The following TP53INP1 variants were observed in gnomAD, a reference collection of about 807,000 sequenced individuals.
TP53INP1 encodes the protein tumor protein p53-inducible nuclear protein 1.
In TP53INP1, 12 loss-of-function variants were observed where a neutral mutation model predicts 21.0. The observed-to-expected ratio is 0.57, with a 90% CI of 0.37 to 0.93. TP53INP1 has a LOEUF of 0.93. TP53INP1 is among the 40% of genes least tolerant of loss of function. The pLI, the probability that TP53INP1 is intolerant of heterozygous loss-of-function variation, is 0.01. For missense variants in TP53INP1, 274 were observed against 294.7 expected, an observed-to-expected ratio of 0.93 and a Z score of 0.51; for synonymous variants, 91 against 94.8, an observed-to-expected ratio of 0.96 and a Z score of 0.23.
intron 3 of TP53INP1, among the ~76,000 whole-genome samples, chr8:94,936,308 A>G (rs776343079): frequency 1.4e-4 from 22 of 152,194 alleles, no homozygotes; most frequent in South Asian, 6.2e-4. Flanking sequence ...GGATCATGTT[A>G]TGTAGGGAAT....
intron 3 of TP53INP1, among the ~76,000 whole-genome samples, chr8:94,934,490 A>G (rs928815583): frequency 1.2e-4 from 18 of 151,810 alleles, no homozygotes; most frequent in African/African-American, 4.4e-4. Context: ...GGTTCAAGCA[A>G]TTCTCCTGCC....
At position 94,930,475 on chromosome 8, in the gene TP53INP1, A is replaced by G. The variant is rs907658551; in HGVS notation, c.*4T>C. ...GAGAAACCAACCAACAAAACTTGAAACTATTAGTAATTGTACTGACGCGGG... is the reference window on the plus strand; with the variant it reads ...GAGAAACCAACCAACAAAACTTGAAGCTATTAGTAATTGTACTGACGCGGG... On this transcript the variant is annotated 3_prime_UTR_variant, in exon 4 of 4. Transcript: ENST00000342697. 1.2e-6 allele frequency: 2 copies of G among 1,613,180 alleles called. No homozygotes were observed. The highest frequency in any genetic ancestry group is 1.7e-6 in the Non-Finnish European group (2 of 1,179,230).
intron 2 of TP53INP1, 115 bp from the exon 3 acceptor site, chr8:94,940,335 AAGAAG>A: frequency 1.6e-6 from 2 of 1,251,030 alleles, no homozygotes; most frequent in Non-Finnish European, 2.2e-6. Context: ...AGCACAGAAA[AAGAAG>A]AGATGATACT....
At position 94,940,932 on chromosome 8, in the gene TP53INP1, T is replaced by A; in HGVS notation, c.10A>T (p.Arg4Trp). Reference sequence around the variant, plus strand: ...TCACCCACAAACATTTTATTCAGCCTCTGGAACATTGTTAAGGCAAGACTG... The same window carrying A: ...TCACCCACAAACATTTTATTCAGCCACTGGAACATTGTTAAGGCAAGACTG... MFQ[R>W]LNKMFVGEVS... Residue 4 changes from arginine (R) to tryptophan (W), a missense_variant, in exon 2 of 4, where the codon AGG becomes TGG. Physicochemically the swap from Arg to Trp is moderately radical, Grantham distance 101. Transcript: ENST00000342697. The A allele has an allele frequency of 6.2e-7, 1 of 1,613,136 alleles. No homozygotes were observed. The highest frequency in any genetic ancestry group is 8.5e-7 in the Non-Finnish European group (1 of 1,179,560).
Position 94,947,187 on chromosome 8 carries a change from T to A in TP53INP1, c.-151+1967A>T, listed in dbSNP as rs185502874. ...AATTCCTTGTTTTCCCTATACATGCTCTTTTAGGCTCCCAGTCTCAACTAT... is the reference window on the plus strand; with the variant it reads ...AATTCCTTGTTTTCCCTATACATGCACTTTTAGGCTCCCAGTCTCAACTAT... On this transcript the variant is annotated intron_variant, in intron 1 of 3. Coordinates refer to ENST00000342697, the MANE Select transcript of TP53INP1 (RefSeq NM_033285.4). 3.3e-5 allele frequency among the ~76,000 whole-genome samples: 5 copies of A among 152,076 alleles called. No individual in the cohort carries two copies. In the East Asian group the frequency reaches 9.7e-4, roughly 29 times the overall value.
At position 94,930,562 on chromosome 8, in the gene TP53INP1, G is replaced by T; in HGVS notation, c.640C>A (p.Leu214Ile). 1 of 1,614,242 alleles carries T rather than the reference G, an allele frequency of 6.2e-7. No homozygotes were observed. Among genetic ancestry groups the T allele is most frequent in the Non-Finnish European group, 8.5e-7 (1 of 1,180,044 alleles). The change falls in exon 4 of 4, where the codon CTT (leucine) becomes ATT (isoleucine). Residue 214 changes from leucine to isoleucine, a missense_variant. Coordinates refer to ENST00000342697, the MANE Select transcript of TP53INP1 (RefSeq NM_033285.4). ...TGCCGAGGGTGGCAATCCCTGGTAA[G>T]ATTTTGGCGACGAAGGCTATTTCTG... ...LNRNSLRRQNLTRDCHPRQVK... is the reference protein window; with the variant it reads ...LNRNSLRRQNITRDCHPRQVK...
rs2459965 is a variant in TP53INP1, at chr8:94,928,572, A to G, written c.*1907T>C. ...TACAGACTTGGCCCCTAATTAGACA[A>G]CAAATAAATAAAGGGGAAGTCAAAA... On this transcript the variant is annotated 3_prime_UTR_variant, in exon 4 of 4. Coordinates refer to ENST00000342697, the MANE Select transcript of TP53INP1 (RefSeq NM_033285.4). The G allele has an allele frequency of 0.76, 115,786 of 152,424 alleles. 46,039 individuals are homozygous for G. Among genetic ancestry groups the G allele is most frequent in the East Asian group, 0.89 (4,628 of 5,182 alleles). The allele number at this position is 152,424 out of a possible 1,614,324, so 9.4% of individuals were successfully genotyped here.
intron 3 of TP53INP1, among the ~76,000 whole-genome samples, chr8:94,931,878 A>G (rs536868435): frequency 3.9e-4 from 60 of 152,116 alleles, no homozygotes; most frequent in Non-Finnish European, 7.9e-4. Context: ...AGGCTGAAAC[A>G]AGAGAATCAC....
At chr8:94,934,037 A>G in intron 3 of TP53INP1, among the ~76,000 whole-genome samples, 1 of 151,794 alleles carries the variant, frequency 6.6e-6, no homozygotes. Flanking sequence ...AGATTGCAAC[A>G]TTGTACTCCA....
chr8:94,939,634 G>C, intron 3 of TP53INP1: 1 of 540,884 alleles, frequency 1.8e-6, no homozygotes, highest in East Asian at 3.9e-5. Flanking sequence ...CTGAGCTTAA[G>C]TGATCTGCCT....
intron 3 of TP53INP1, among the ~76,000 whole-genome samples, chr8:94,931,900 G>C (rs541134548): frequency 6.6e-6 from 1 of 152,202 alleles, no homozygotes; most frequent in African/African-American, 2.4e-5. Context: ...TGAATCTGGG[G>C]GGTGGAGGCT....
At chr8:94,934,531 G>A (rs146012129) in intron 3 of TP53INP1, among the ~76,000 whole-genome samples, 3 of 151,806 alleles carry the variant, frequency 2.0e-5, no homozygotes, top group South Asian at 2.1e-4. Flanking sequence ...GAGTACAGGC[G>A]CCCACCAGCA....
At position 94,941,086 on chromosome 8, in the gene TP53INP1, T is replaced by G. The variant is rs1049697928; in HGVS notation, c.-145A>C. 4 of 614,288 alleles carry G rather than the reference T, an allele frequency of 6.5e-6. No individual in the cohort carries two copies. In the African/African-American group the frequency reaches 7.4e-5, roughly 11 times the overall value. The allele number at this position is 614,288 out of a possible 1,614,324, so 38.1% of individuals were successfully genotyped here. A position where few individuals can be genotyped will look rare whatever the true frequency, so the allele number is the denominator to read the frequency against. On this transcript the variant is annotated 5_prime_UTR_variant, in exon 2 of 4. An upstream start codon of the reference 5' UTR is lost. Transcript: ENST00000342697. The stretch of plus-strand genomic sequence containing the variant: ...CTTAGGTGAAAAGCAAGAAGAGTCA[T>G]TGTACCTAAAATAAAACAGAAAAAG...
rs1819909149 is a variant in TP53INP1 at position 94,926,464 on chromosome 8, G to T, written c.*4015C>A. 1 of 149,134 alleles carries T rather than the reference G, an allele frequency of 6.7e-6. No individual in the cohort carries two copies. The highest frequency in any genetic ancestry group is 1.5e-5 in the Non-Finnish European group (1 of 67,622). 9.2% of individuals were successfully genotyped at this position (149,134 alleles called of 1,614,324 possible). On this transcript the variant is annotated 3_prime_UTR_variant, in exon 4 of 4. Transcript: ENST00000342697. Reference sequence around the variant, plus strand: ...GCAATTATTAAAGTTCAAAATCTCTGGAGGAAAATACAAGCAAAACCACTC... The same window carrying T: ...GCAATTATTAAAGTTCAAAATCTCTTGAGGAAAATACAAGCAAAACCACTC...
At position 94,939,940 on chromosome 8, in the gene TP53INP1, G is replaced by C. The variant is rs1821359080; in HGVS notation, c.393C>G (p.Val131=). The C allele has an allele frequency of 6.2e-7, 1 of 1,614,066 alleles. No homozygotes were observed. The highest frequency in any genetic ancestry group is 1.3e-5 in the African/African-American group (1 of 74,926). ...CAGGGCAGGAGTTATGCACAGCATAGACAGACATGCTGGGATGTTCAATGA... is the reference window on the plus strand; with the variant it reads ...CAGGGCAGGAGTTATGCACAGCATACACAGACATGCTGGGATGTTCAATGA... The part of the protein sequence containing the change: ...NLLIEHPSMS[V]YAVHNSCPGL... Residue 131 remains valine (V), a synonymous_variant, in exon 3 of 4, where the codon GTC becomes GTG. Coordinates refer to ENST00000342697, the MANE Select transcript of TP53INP1 (RefSeq NM_033285.4).
chr8:94,930,587 G>C lies in TP53INP1; in HGVS notation c.615C>G (p.Asn205Lys), dbSNP rs757108010. ...IKEHSERQPL[N>K]RNSLRRQNLT... is the part of the protein sequence containing the mutation. ...GATTTTGGCGACGAAGGCTATTTCT[G>C]TTAAGAGGCTGTCTTTCACTGTGTT... The change falls in exon 4 of 4, where the codon AAC becomes AAG. Residue 205 changes from asparagine to lysine, a missense_variant. Coordinates refer to ENST00000342697, the MANE Select transcript of TP53INP1 (RefSeq NM_033285.4). 1.9e-6 allele frequency: 3 copies of C among 1,614,236 alleles called. No homozygotes were observed. Among genetic ancestry groups the C allele is most frequent in the Non-Finnish European group, 2.5e-6 (3 of 1,180,044 alleles).
chr8:94,932,210 C>T, intron 3 of TP53INP1: 1 of 1,305,370 alleles, frequency 7.7e-7, no homozygotes, highest in Non-Finnish European at 1.1e-6. Context: ...AACTGGTTTA[C>T]TATGTGCCAT....
rs1009283202 is a variant in TP53INP1 at position 94,929,484 on chromosome 8, C to A, written c.*995G>T. ...TTCACTCAGATGCCATGAAAGACAT[C>A]ATCACCAGACAGTCCCCACACTCTT... On this transcript the variant is annotated 3_prime_UTR_variant, in exon 4 of 4. Coordinates refer to ENST00000342697, the MANE Select transcript of TP53INP1 (RefSeq NM_033285.4). 5.9e-5 allele frequency: 9 copies of A among 151,820 alleles called. No homozygotes were observed. Among genetic ancestry groups the A allele is most frequent in the African/African-American group, 2.2e-4 (9 of 41,332 alleles). 9.4% of individuals were successfully genotyped at this position (151,820 alleles called of 1,614,324 possible).
In TP53INP1 at chr8:94,926,213, C is replaced by T. The variant is rs1053452475; in HGVS notation, c.*4266G>A. The T allele has an allele frequency of 6.6e-6, 1 of 152,404 alleles. No homozygotes were observed. The highest frequency in any genetic ancestry group is 6.6e-5 in the Admixed American group (1 of 15,260). The allele number at this position is 152,404 out of a possible 1,614,324, so 9.4% of individuals were successfully genotyped here. ...TTAGACCGTGGCTCAAGAAAACAAGCTGCCATTTATGCATAGATTGATGTA... is the reference window on the plus strand; with the variant it reads ...TTAGACCGTGGCTCAAGAAAACAAGTTGCCATTTATGCATAGATTGATGTA... On this transcript the variant is annotated 3_prime_UTR_variant, in exon 4 of 4. Coordinates refer to ENST00000342697, the MANE Select transcript of TP53INP1 (RefSeq NM_033285.4).
Sources: allele counts gnomAD v4.1 joint callset (sites outside exome capture counted in the v4.1 genomes callset), GRCh38; gene constraint gnomAD v4.1.1; transcripts MANE v1.5; gene names NCBI Gene and HGNC (gene_info 2026-07-23, HGNC 2026-07-21).